Variants in RNF150 observed in about 807,000 individuals in gnomAD.
The protein encoded by RNF150 is ring finger protein 150.
A neutral mutation model predicts 39.3 loss-of-function variants in RNF150; 24 were observed. The ratio of observed to expected loss-of-function variants is 0.61; its 90% CI spans 0.44 to 0.86. The LOEUF (loss-of-function observed/expected upper bound fraction) is 0.86. Ranked by LOEUF, RNF150 falls within the 40% of genes least tolerant of loss-of-function variation. The probability of loss-of-function intolerance (pLI) is 0.00; values close to 1 mark genes in which losing one functional copy is unlikely to be tolerated. For synonymous variants in RNF150, 255 were observed against 227.3 expected (o/e 1.12, Z -1.10); for missense variants, 502 against 587.8 (o/e 0.85, Z 1.51).
intron 1 of RNF150, among the ~76,000 whole-genome samples, chr4:141,192,133 A>G (rs1728120465): frequency 6.6e-6 from 1 of 152,230 alleles, no homozygotes; most frequent in African/African-American, 2.4e-5. Context: ...TAAAGAATTT[A>G]GAACATACTA....
At chr4:141,178,269 C>A (rs1727849946) in intron 1 of RNF150, among the ~76,000 whole-genome samples, 1 of 151,222 alleles carries the variant, frequency 6.6e-6, no homozygotes, top group African/African-American at 2.5e-5. Context: ...TGTGCGTGCG[C>A]ATGCACACAC....
intron 6 of RNF150, among the ~76,000 whole-genome samples, chr4:140,888,467 C>T (rs1729653064): frequency 6.6e-6 from 1 of 152,156 alleles, no homozygotes; most frequent in Non-Finnish European, 1.5e-5. Context: ...CTCTGGCTCA[C>T]AGAACATAAT....
At chr4:140,975,501 C>G (rs1449910855) in intron 1 of RNF150, among the ~76,000 whole-genome samples, 1 of 152,128 alleles carries the variant, frequency 6.6e-6, no homozygotes, top group Admixed American at 6.6e-5. Context: ...AAAACAACTT[C>G]TAGTTCCTGC....
intron 1 of RNF150, among the ~76,000 whole-genome samples, chr4:141,185,967 A>G (rs1728000610): frequency 6.6e-6 from 1 of 152,202 alleles, no homozygotes; most frequent in South Asian, 2.1e-4. Flanking sequence ...ATCGATGTTC[A>G]TCAGGGACAT....
At chr4:140,943,914 A>C (rs1251145843) in intron 4 of RNF150, among the ~76,000 whole-genome samples, 1 of 152,218 alleles carries the variant, frequency 6.6e-6, no homozygotes, top group Non-Finnish European at 1.5e-5. Flanking sequence ...CTATAGGGAT[A>C]AATTAGAGAT....
At chr4:140,891,794 G>A (rs1729763566) in intron 6 of RNF150, among the ~76,000 whole-genome samples, 1 of 152,124 alleles carries the variant, frequency 6.6e-6, no homozygotes, top group African/African-American at 2.4e-5. Context: ...TGGAGGGTGA[G>A]TGAGCATTAC....
At chr4:140,979,309 C>G (rs1733777696) in intron 1 of RNF150, among the ~76,000 whole-genome samples, 1 of 151,968 alleles carries the variant, frequency 6.6e-6, no homozygotes, top group African/African-American at 2.4e-5. Flanking sequence ...CCAAAATTTC[C>G]CAGCATTTCA....
intron 6 of RNF150, among the ~76,000 whole-genome samples, chr4:140,893,118 G>A (rs1397630687): frequency 6.6e-6 from 1 of 151,846 alleles, no homozygotes; most frequent in African/African-American, 2.4e-5. Flanking sequence ...ACCACCCCCC[G>A]GCCTTTCTCC....
intron 6 of RNF150, among the ~76,000 whole-genome samples, chr4:140,888,419 C>T (rs1379853722): frequency 2.0e-5 from 3 of 152,184 alleles, no homozygotes; most frequent in Non-Finnish European, 4.4e-5. Flanking sequence ...AGCAATGGGG[C>T]AGTCATGCAT....
Position 141,085,585 on chromosome 4 carries a change from AGATCCCAGATACT to A in RNF150, c.484+46727_484+46739del, listed in dbSNP as rs1413159842. Among the ~76,000 whole-genome samples, 3 of 152,328 alleles carry A rather than the reference AGATCCCAGATACT, an allele frequency of 2.0e-5. No individual in the cohort carries two copies. The East Asian group carries it at 5.8e-4, about 29-fold the overall frequency. On this transcript the variant is annotated intron_variant, in intron 1 of 6. Coordinates refer to ENST00000515673, the MANE Select transcript of RNF150 (RefSeq NM_020724.2). ...ATCCCAAGCTCTTGAGTATTCTCTA[AGATCCCAGATACT>A]GGGGATCAAAGATAAGTCCTCCCCA...
chr4:141,032,510 C>T (rs2110829729), intron 1 of RNF150, among the ~76,000 whole-genome samples: 2 of 152,224 alleles, frequency 1.3e-5, no homozygotes, highest in Middle Eastern at 6.8e-3. Flanking sequence ...ACCTCTGTGG[C>T]TGTGGTAATC....
At chr4:141,011,043 A>G (rs1479339525) in intron 1 of RNF150, among the ~76,000 whole-genome samples, 2 of 152,046 alleles carry the variant, frequency 1.3e-5, no homozygotes, top group African/African-American at 2.4e-5. Context: ...GTGCTGATTT[A>G]TATGACCCAT....
chr4:140,911,996 A>G (rs1730626397), intron 5 of RNF150, among the ~76,000 whole-genome samples: 1 of 152,258 alleles, frequency 6.6e-6, no homozygotes, highest in Non-Finnish European at 1.5e-5. Context: ...AATTCTTAGA[A>G]TCATAAGACT....
chr4:141,018,019 C>A (rs897842442), intron 1 of RNF150, among the ~76,000 whole-genome samples: 4 of 152,136 alleles, frequency 2.6e-5, no homozygotes, highest in African/African-American at 9.7e-5. Flanking sequence ...CCATAATAAA[C>A]ATCTGTATAA....
intron 1 of RNF150, among the ~76,000 whole-genome samples, chr4:141,123,603 C>T (rs537494900): frequency 3.3e-4 from 50 of 152,260 alleles, no homozygotes; most frequent in African/African-American, 1.1e-3. Context: ...GCACAACGTA[C>T]AGGTTTGTTA....
intron 2 of RNF150, among the ~76,000 whole-genome samples, chr4:140,954,197 C>T (rs890255919): frequency 3.0e-4 from 45 of 152,030 alleles, no homozygotes; most frequent in African/African-American, 1.1e-3. Context: ...TCTAACCAGA[C>T]CCAAATCATG....
chr4:141,157,372 A>G (rs1271376759), intron 1 of RNF150, among the ~76,000 whole-genome samples: 1 of 152,142 alleles, frequency 6.6e-6, no homozygotes. Context: ...GCTAAATTCA[A>G]TCCCTCAGAA....
At chr4:141,112,782 T>C (rs1668444268) in intron 1 of RNF150, among the ~76,000 whole-genome samples, 1 of 152,180 alleles carries the variant, frequency 6.6e-6, no homozygotes, top group Admixed American at 6.5e-5. Flanking sequence ...TCTTGCTAGG[T>C]TGGGGAAGTT....
At chr4:140,941,913 A>G (rs1436338336) in intron 4 of RNF150, among the ~76,000 whole-genome samples, 1 of 152,224 alleles carries the variant, frequency 6.6e-6, no homozygotes. Flanking sequence ...ATCAAAATCT[A>G]AGTTCCTTCA....
Sources: gnomAD v4.1 joint callset for allele counts (sites outside exome capture counted in the v4.1 genomes callset) on GRCh38, gnomAD v4.1.1 for gene constraint, MANE v1.5 for transcripts, NCBI Gene and HGNC (gene_info 2026-07-23, HGNC 2026-07-21) for gene names.